Variants in PIP5K1B observed in about 807,000 individuals in gnomAD.
PIP5K1B encodes the protein phosphatidylinositol-4-phosphate 5-kinase type 1 beta.
In PIP5K1B, 42 loss-of-function variants were observed where a neutral mutation model predicts 67.0. The ratio of observed to expected loss-of-function variants is 0.63; its 90% CI spans 0.49 to 0.81. PIP5K1B has a LOEUF of 0.81. Ranked by LOEUF, PIP5K1B falls within the 30% of genes least tolerant of loss-of-function variation. PIP5K1B has a pLI of 0.00. For synonymous variants in PIP5K1B, 214 were observed against 231.4 expected (o/e 0.92, Z 0.68); for missense variants, 459 against 646.3 (o/e 0.71, Z 3.14).
chr9:68,734,095 T>C (rs1828604768), intron 1 of PIP5K1B, among the ~76,000 whole-genome samples: 1 of 152,220 alleles, frequency 6.6e-6, no homozygotes, highest in Non-Finnish European at 1.5e-5. Flanking sequence ...TTCTTCAGCA[T>C]TTTCAGCTAT....
intron 8 of PIP5K1B, among the ~76,000 whole-genome samples, chr9:68,895,265 T>TAAAAAAAAA (rs11342436): frequency 8.3e-6 from 1 of 121,114 alleles, no homozygotes; most frequent in Admixed American, 8.5e-5. Context: ...TGCAATGCTT[T>TAAAAAAAAA]AAAAAAAAAA....
At chr9:68,955,383 A>C (rs1286435488) in intron 14 of PIP5K1B, among the ~76,000 whole-genome samples, 1 of 152,238 alleles carries the variant, frequency 6.6e-6, no homozygotes, top group East Asian at 1.9e-4. Context: ...AGATGTGTTG[A>C]ACTCATCAGC....
chr9:68,956,563 C>T (rs563083337), intron 14 of PIP5K1B, among the ~76,000 whole-genome samples: 2 of 152,276 alleles, frequency 1.3e-5, no homozygotes, highest in Admixed American at 6.5e-5. Flanking sequence ...AGAAAGAACA[C>T]GAGTTAAATA....
intron 2 of PIP5K1B, among the ~76,000 whole-genome samples, chr9:68,754,271 G>A (rs1356994756): frequency 3.5e-5 from 5 of 141,396 alleles, no homozygotes; most frequent in African/African-American, 8.0e-5. Context: ...CCGGGTTCAC[G>A]CCATTCTCCT....
At chr9:68,906,821 A>C (rs1825634539) in intron 8 of PIP5K1B, among the ~76,000 whole-genome samples, 1 of 152,218 alleles carries the variant, frequency 6.6e-6, no homozygotes, top group South Asian at 2.1e-4. Context: ...TTTCATAAGC[A>C]CTTGGTGATC....
intron 4 of PIP5K1B, among the ~76,000 whole-genome samples, chr9:68,838,438 A>T (rs2085264498): frequency 6.6e-6 from 1 of 152,218 alleles, no homozygotes; most frequent in South Asian, 2.1e-4. Flanking sequence ...TTATTAATAG[A>T]TACATAAATA....
intron 2 of PIP5K1B, among the ~76,000 whole-genome samples, chr9:68,756,986 AC>A (rs1829958089): frequency 6.6e-6 from 1 of 152,098 alleles, no homozygotes; most frequent in Non-Finnish European, 1.5e-5. Context: ...TATATTTTAT[AC>A]TTATAGCACA....
rs151143060 is a variant in PIP5K1B at position 68,844,409 on chromosome 9, C to T, written c.70-19428C>T. 1.4e-3 allele frequency among the ~76,000 whole-genome samples: 211 copies of T among 152,262 alleles called. 2 individuals are homozygous for T. Among genetic ancestry groups the T allele is most frequent in the African/African-American group, 3.9e-3 (162 of 41,554 alleles). On this transcript the variant is annotated intron_variant, in intron 4 of 15. Coordinates refer to ENST00000265382, the MANE Select transcript of PIP5K1B (RefSeq NM_003558.4). ...CTCTATTGAGCAATCAACTATGCATCGGGCACTTCCACTTGTGTTGTAGCA... is the reference window on the plus strand; with the variant it reads ...CTCTATTGAGCAATCAACTATGCATTGGGCACTTCCACTTGTGTTGTAGCA...
intron 14 of PIP5K1B, among the ~76,000 whole-genome samples, chr9:68,968,716 T>TATA (rs1380060044): frequency 2.5e-5 from 3 of 120,124 alleles, no homozygotes; most frequent in African/African-American, 1.0e-4. Context: ...TATATATATA[T>TATA]TTTTTTTTTG....
At chr9:68,939,532 C>A (rs1368294379) in intron 13 of PIP5K1B, among the ~76,000 whole-genome samples, 1 of 152,326 alleles carries the variant, frequency 6.6e-6, no homozygotes, top group East Asian at 1.9e-4. Context: ...TGAAGCCTTT[C>A]TAATTTTTGA....
chr9:68,833,319 A>G (rs1027186790), intron 4 of PIP5K1B, among the ~76,000 whole-genome samples: 1 of 152,248 alleles, frequency 6.6e-6, no homozygotes, highest in Non-Finnish European at 1.5e-5. Context: ...ATAAGAGTGG[A>G]CGAAAGAGTG....
chr9:68,892,451 G>A (rs956915610), intron 7 of PIP5K1B, among the ~76,000 whole-genome samples: 11 of 152,184 alleles, frequency 7.2e-5, no homozygotes, highest in Non-Finnish European at 1.2e-4. Flanking sequence ...TTCAAATAAA[G>A]TGTCCAGAAA....
chr9:68,927,389 C>T (rs780742397), intron 12 of PIP5K1B, among the ~76,000 whole-genome samples: 1 of 152,196 alleles, frequency 6.6e-6, no homozygotes, highest in Non-Finnish European at 1.5e-5. Context: ...ATCCCACCAG[C>T]AACATATACG....
rs1831938762 is a variant in PIP5K1B, at chr9:68,791,029, A to T, written c.-85-27432A>T. 5.3e-5 allele frequency among the ~76,000 whole-genome samples: 8 copies of T among 152,224 alleles called. No homozygotes were observed. In the South Asian group the frequency reaches 1.7e-3, roughly 32 times the overall value. On this transcript the variant is annotated intron_variant, in intron 2 of 15. Coordinates refer to ENST00000265382, the MANE Select transcript of PIP5K1B (RefSeq NM_003558.4). ...CCTATTGCTTTTGTTTACCCGCAGA[A>T]GTTCGGTTCTGTATCAATGCCAGGT...
In PIP5K1B at chr9:68,780,395, T is replaced by C. The variant is rs971651151; in HGVS notation, c.-86+37738T>C. On this transcript the variant is annotated intron_variant, in intron 2 of 15. Transcript: ENST00000265382. ...ACGGCCTGCTGCTGCCGGCCTCCCC[T>C]GTCCGCATGCACAGCAGCCGCTTGC... 7.4e-6 allele frequency: 12 copies of C among 1,613,778 alleles called. No individual in the cohort carries two copies. The African/African-American group carries it at 1.6e-4, about 22-fold the overall frequency.
chr9:68,890,419 A>G (rs886726124), intron 7 of PIP5K1B, among the ~76,000 whole-genome samples: 8 of 152,336 alleles, frequency 5.3e-5, no homozygotes, highest in Middle Eastern at 3.4e-3. Context: ...GGATTTCAGA[A>G]GCCCAAGTTC....
At chr9:68,871,616 T>G (rs1287330132) in intron 5 of PIP5K1B, among the ~76,000 whole-genome samples, 2 of 152,240 alleles carry the variant, frequency 1.3e-5, no homozygotes, top group African/African-American at 4.8e-5. Flanking sequence ...TCTTAGTGAA[T>G]AAGTGGGGAA....
At position 68,735,316 on chromosome 9, in the gene PIP5K1B, CTTTTTTTTT is replaced by C. The variant is rs558810934; in HGVS notation, c.-242-7165_-242-7157del. ...CAGATTTGCTGTTTTCCCCTAGTGT[CTTTTTTTTT>C]TTTTTTTTTTTTTTTTTTTGGTGGT... On this transcript the variant is annotated intron_variant, in intron 1 of 15. Coordinates refer to ENST00000265382, the MANE Select transcript of PIP5K1B (RefSeq NM_003558.4). Among the ~76,000 whole-genome samples, 8 of 29,806 alleles carry C rather than the reference CTTTTTTTTT, an allele frequency of 2.7e-4. No individual in the cohort carries two copies. In the South Asian group the frequency reaches 4.4e-3, roughly 16 times the overall value. The allele number at this position is 29,806 out of a possible 152,430, so 19.6% of individuals were successfully genotyped here.
At chr9:68,758,428 A>G (rs555866415) in intron 2 of PIP5K1B, among the ~76,000 whole-genome samples, 1 of 152,314 alleles carries the variant, frequency 6.6e-6, no homozygotes, top group South Asian at 2.1e-4. Context: ...AAGAAGAACC[A>G]AATTAAAATT....
Sources: allele counts gnomAD v4.1 joint callset (sites outside exome capture counted in the v4.1 genomes callset), GRCh38; gene constraint gnomAD v4.1.1; transcripts MANE v1.5; gene names NCBI Gene and HGNC (gene_info 2026-07-23, HGNC 2026-07-21).